The following SRGAP1 variants were observed in gnomAD, a reference collection of about 807,000 sequenced individuals.
SRGAP1 encodes SLIT-ROBO Rho GTPase-activating protein 1.
In SRGAP1, 43 loss-of-function variants were observed where a neutral mutation model predicts 121.9. That is an observed-to-expected ratio of 0.35 (90% confidence interval 0.28 to 0.46). The LOEUF is 0.46. SRGAP1 is among the 20% of genes least tolerant of loss of function. SRGAP1 has a pLI of 1.00. For missense variants in SRGAP1, 1,102 were observed against 1,350.9 expected (o/e 0.82, Z 2.89); for synonymous variants, 447 against 485.4 (o/e 0.92, Z 1.04).
chr12:63,899,303 C>T (rs767636096), intron 1 of SRGAP1, among the ~76,000 whole-genome samples: 53 of 151,836 alleles, frequency 3.5e-4, no homozygotes, highest in Non-Finnish European at 1.6e-4. Flanking sequence ...TGCCATTGTA[C>T]TCCTGCCTGG....
chr12:63,990,223 A>G, intron 3 of SRGAP1, 151 bp downstream of exon 3: 3 of 679,554 alleles, frequency 4.4e-6, no homozygotes, highest in Non-Finnish European at 4.8e-6. Flanking sequence ...TGGATGTTTT[A>G]AAGACACGGA....
At chr12:64,026,945 C>T (rs2034667309) in intron 4 of SRGAP1, among the ~76,000 whole-genome samples, 1 of 151,920 alleles carries the variant, frequency 6.6e-6, no homozygotes, top group East Asian at 1.9e-4. Context: ...TTAAGTGATT[C>T]ACTAACGTCC....
chr12:64,109,420 G>GT (rs1439854457), intron 16 of SRGAP1, among the ~76,000 whole-genome samples: 3 of 152,102 alleles, frequency 2.0e-5, no homozygotes, highest in Non-Finnish European at 4.4e-5. Flanking sequence ...TAATATTGTA[G>GT]TTGAGGATGG....
intron 1 of SRGAP1, among the ~76,000 whole-genome samples, chr12:63,862,099 C>T (rs117806528): frequency 0.018 from 2,742 of 152,224 alleles, 65 homozygotes; most frequent in Middle Eastern, 0.027. Context: ...CTAGTCTGGG[C>T]GATGAGTGAA....
At chr12:64,098,062 G>A (rs1052878697) in intron 15 of SRGAP1, among the ~76,000 whole-genome samples, 4 of 152,030 alleles carry the variant, frequency 2.6e-5, no homozygotes, top group Admixed American at 1.3e-4. Flanking sequence ...TTTTAAGTCC[G>A]AGTTCCCAGC....
chr12:63,888,642 T>G (rs1900473180), intron 1 of SRGAP1: 1 of 152,212 alleles, frequency 6.6e-6, no homozygotes, highest in Non-Finnish European at 1.5e-5. Context: ...GGTTTTATTT[T>G]TTGTTTGTTT....
chr12:64,106,399 A>C (rs1592327270), intron 15 of SRGAP1, among the ~76,000 whole-genome samples: 1 of 152,216 alleles, frequency 6.6e-6, no homozygotes, highest in Non-Finnish European at 1.5e-5. Context: ...CAGCTATTTT[A>C]GGTAATAAGC....
At chr12:64,133,573 C>T (rs2036817235) in intron 21 of SRGAP1, among the ~76,000 whole-genome samples, 1 of 152,146 alleles carries the variant, frequency 6.6e-6, no homozygotes, top group East Asian at 1.9e-4. Context: ...TACACAGTTA[C>T]CCTGGTAAAA....
intron 3 of SRGAP1, among the ~76,000 whole-genome samples, chr12:64,008,367 T>G (rs999605407): frequency 3.9e-5 from 2 of 51,402 alleles, no homozygotes; most frequent in African/African-American, 1.8e-4. Flanking sequence ...TAAGAATGTT[T>G]TTCTTTTTCT....
At chr12:64,007,925 T>C (rs1158533626) in intron 3 of SRGAP1, among the ~76,000 whole-genome samples, 1 of 152,184 alleles carries the variant, frequency 6.6e-6, no homozygotes, top group African/African-American at 2.4e-5. Flanking sequence ...GACATTCTGA[T>C]TTGAAAGTTT....
chr12:64,024,100 T>C (rs151136629), intron 4 of SRGAP1, among the ~76,000 whole-genome samples: 6 of 152,314 alleles, frequency 3.9e-5, no homozygotes, highest in African/African-American at 1.2e-4. Flanking sequence ...GGTTACAGAA[T>C]GGGCAAACCC....
chr12:64,065,643 C>A (rs1438074328), intron 8 of SRGAP1, among the ~76,000 whole-genome samples: 1 of 152,206 alleles, frequency 6.6e-6, no homozygotes, highest in Non-Finnish European at 1.5e-5. Flanking sequence ...CTGCCGGCTT[C>A]AAGCAGTCCT....
rs1297416789 is a variant in SRGAP1, at chr12:64,144,690, C to T, written c.*2018C>T. ...CAGGACAGCACCTTGTCTAGCCCCT[C>T]CCCATTTCTCCTGAGCTTTTGGGGT... On this transcript the variant is annotated 3_prime_UTR_variant, in exon 22 of 22. Transcript: ENST00000355086. 6.6e-6 allele frequency: 1 copy of T among 152,146 alleles called. No homozygotes were observed. The highest frequency in any genetic ancestry group is 1.5e-5 in the Non-Finnish European group (1 of 68,122). 9.4% of individuals were successfully genotyped at this position (152,146 alleles called of 1,614,324 possible).
chr12:64,063,656 C>A (rs1473165596), intron 7 of SRGAP1, among the ~76,000 whole-genome samples: 1 of 144,102 alleles, frequency 6.9e-6, no homozygotes, highest in Non-Finnish European at 1.5e-5. Context: ...TGTTATTTTA[C>A]CAAAAAAAAT....
At chr12:64,063,650 A>G (rs1389176975) in intron 7 of SRGAP1, among the ~76,000 whole-genome samples, 3 of 144,892 alleles carry the variant, frequency 2.1e-5, no homozygotes, top group Non-Finnish European at 4.6e-5. Flanking sequence ...TTTCTATGTT[A>G]TTTTACCAAA....
intron 3 of SRGAP1, among the ~76,000 whole-genome samples, chr12:64,003,344 C>T (rs1316220300): frequency 6.6e-6 from 1 of 152,002 alleles, no homozygotes; most frequent in Non-Finnish European, 1.5e-5. Context: ...ACTTTGGCCT[C>T]CTGAAGTGCT....
intron 18 of SRGAP1, among the ~76,000 whole-genome samples, chr12:64,125,701 G>T (rs758869771): frequency 5.3e-5 from 8 of 151,226 alleles, no homozygotes; most frequent in African/African-American, 1.7e-4. Flanking sequence ...ATTTTTTTTT[G>T]ACTGTCATTA....
chr12:64,032,329 A>G, intron 4 of SRGAP1: 1 of 337,610 alleles, frequency 3.0e-6, no homozygotes, highest in Non-Finnish European at 5.7e-6. Flanking sequence ...GCGTTTCTCC[A>G]GTGACCCCCT....
Position 64,091,259 on chromosome 12 carries a change from A to T in SRGAP1, c.1437-17A>T, listed in dbSNP as rs767154602. 4 of 1,540,958 alleles carry T rather than the reference A, an allele frequency of 2.6e-6. No individual in the cohort carries two copies. In the South Asian group the frequency reaches 4.9e-5, roughly 19 times the overall value. On this transcript the variant is annotated splice_polypyrimidine_tract_variant and intron_variant, in intron 11 of 21. Coordinates refer to ENST00000355086, the MANE Select transcript of SRGAP1 (RefSeq NM_020762.4). ...TTGATTTCTGCCATGCTCAGTAATTATATTCCCTTCCCTTAGGCCTCCAAA... is the reference window on the plus strand; with the variant it reads ...TTGATTTCTGCCATGCTCAGTAATTTTATTCCCTTCCCTTAGGCCTCCAAA...
Sources: gnomAD v4.1 joint callset for allele counts (sites outside exome capture counted in the v4.1 genomes callset) on GRCh38, gnomAD v4.1.1 for gene constraint, MANE v1.5 for transcripts, NCBI Gene and HGNC (gene_info 2026-07-23, HGNC 2026-07-21) for gene names.